LMO7: variants seen among roughly 807,000 people sequenced by gnomAD.
LMO7 encodes LIM domain 7.
A neutral mutation model predicts 206.5 loss-of-function variants in LMO7; 120 were observed. That is an observed-to-expected ratio of 0.58 (90% CI 0.50 to 0.68). The LOEUF is 0.68. Among genes scored for constraint, LMO7 ranks in the 30% least tolerant of loss-of-function variants. The pLI is 0.00. For missense variants in LMO7, 1,959 were observed against 1,957.9 expected (o/e 1.00, Z -0.01); for synonymous variants, 706 against 681.5 (o/e 1.04, Z -0.56).
intron 12 of LMO7, 162 bp from the exon 13 acceptor site, chr13:75,819,231 G>C: frequency 1.6e-6 from 1 of 639,474 alleles, no homozygotes; most frequent in Non-Finnish European, 2.5e-6. Context: ...ATAAAGGCTT[G>C]GTACAGAAAC....
chr13:75,786,966 A>G (rs528051987), intron 4 of LMO7, among the ~76,000 whole-genome samples: 292 of 152,328 alleles, frequency 1.9e-3, no homozygotes, highest in Middle Eastern at 3.4e-3. Flanking sequence ...AGGACATAGT[A>G]TCAGTGAAGT....
intron 29 of LMO7, 137 bp downstream of exon 29, chr13:75,855,505 C>G: frequency 2.0e-6 from 1 of 507,078 alleles, no homozygotes; most frequent in Non-Finnish European, 3.5e-6. Context: ...ATTTGAGTCA[C>G]AAATTGCTTG....
intron 20 of LMO7, 87 bp downstream of exon 20, chr13:75,838,283 G>C: frequency 6.6e-7 from 1 of 1,524,368 alleles, no homozygotes; most frequent in East Asian, 2.3e-5. Context: ...GCTGGGCACT[G>C]AGCCTCTTCA....
chr13:75,832,593 A>T (rs2058763282), intron 15 of LMO7, among the ~76,000 whole-genome samples: 4 of 152,196 alleles, frequency 2.6e-5, no homozygotes. Context: ...TGGAGGCTAA[A>T]TTATGTGTCT....
chr13:75,833,312 C>G (rs1023969647), intron 16 of LMO7, 147 bp downstream of exon 16: 3 of 604,522 alleles, frequency 5.0e-6, no homozygotes, highest in Non-Finnish European at 6.0e-6. Flanking sequence ...CATCCTCTTT[C>G]CTGAGATTAT....
At chr13:75,849,401 A>T in intron 27 of LMO7, 109 bp downstream of exon 27, 2 of 782,166 alleles carry the variant, frequency 2.6e-6, no homozygotes, top group Non-Finnish European at 4.3e-6. Flanking sequence ...CATAGAGCGA[A>T]CGCTCTGGGC....
intron 2 of LMO7, among the ~76,000 whole-genome samples, chr13:75,715,462 A>G (rs2043458999): frequency 6.6e-6 from 1 of 152,144 alleles, no homozygotes. Flanking sequence ...AATTTTTCTA[A>G]TTTGGATTTT....
At chr13:75,675,947 C>T (rs1294159580) in intron 1 of LMO7, among the ~76,000 whole-genome samples, 1 of 152,022 alleles carries the variant, frequency 6.6e-6, no homozygotes, top group African/African-American at 2.4e-5. Context: ...TTAGATGAAG[C>T]AAAGTCATAA....
At chr13:75,839,963 A>G in intron 20 of LMO7, 122 bp from the exon 21 acceptor site, 1 of 845,812 alleles carries the variant, frequency 1.2e-6, no homozygotes, top group Non-Finnish European at 1.9e-6. Context: ...TTAAAAAAAC[A>G]TTGTCACTTA....
chr13:75,633,869 G>C (rs1394150779), upstream of LMO7, among the ~76,000 whole-genome samples: 3 of 109,428 alleles, frequency 2.7e-5, no homozygotes, highest in Non-Finnish European at 5.3e-5. Flanking sequence ...TTTTTTTTGA[G>C]ACGGAGTCTC....
intron 9 of LMO7, 134 bp downstream of exon 9, chr13:75,805,894 T>C: frequency 1.8e-6 from 2 of 1,137,650 alleles, no homozygotes; most frequent in Non-Finnish European, 2.5e-6. Context: ...GCGGAACCTA[T>C]ATAATGGAAA....
chr13:75,658,614 C>T (rs756973575), intron 1 of LMO7, among the ~76,000 whole-genome samples: 40 of 152,058 alleles, frequency 2.6e-4, no homozygotes, highest in Non-Finnish European at 4.6e-4. Context: ...GATGGAATCT[C>T]GCTCTGTCGC....
chr13:75,790,673 A>C (rs2053145687), intron 4 of LMO7, among the ~76,000 whole-genome samples: 1 of 152,172 alleles, frequency 6.6e-6, no homozygotes, highest in East Asian at 1.9e-4. Context: ...TTAACATAGT[A>C]GCAGTTAGGA....
At chr13:75,819,646 T>A in intron 13 of LMO7, 111 bp downstream of exon 13, 1 of 1,080,052 alleles carries the variant, frequency 9.3e-7, no homozygotes, top group Non-Finnish European at 1.2e-6. Flanking sequence ...TATTCAACTT[T>A]AGTCAAATAT....
chr13:75,676,016 T>C (rs1439447232), intron 1 of LMO7, among the ~76,000 whole-genome samples: 1 of 152,202 alleles, frequency 6.6e-6, no homozygotes, highest in Non-Finnish European at 1.5e-5. Context: ...TGTAAAAGAC[T>C]CTATGTGTTA....
At chr13:75,637,695 T>C (rs1412949461) in intron 1 of LMO7, among the ~76,000 whole-genome samples, 1 of 152,214 alleles carries the variant, frequency 6.6e-6, no homozygotes, top group East Asian at 1.9e-4. Flanking sequence ...AAAAACTACA[T>C]GTTTAAGAAT....
chr13:75,806,256 G>A, intron 9 of LMO7: 1 of 989,300 alleles, frequency 1.0e-6, no homozygotes, highest in Non-Finnish European at 1.2e-6. Flanking sequence ...CTTCGGATGA[G>A]CCCAGGTGCC....
At chr13:75,725,850 T>G (rs914520559) in intron 2 of LMO7, among the ~76,000 whole-genome samples, 1 of 152,084 alleles carries the variant, frequency 6.6e-6, no homozygotes, top group Non-Finnish European at 1.5e-5. Context: ...AGCCACTGTT[T>G]TATAATTTTG....
chr13:75,855,033 T>G, intron 28 of LMO7: 1 of 450,604 alleles, frequency 2.2e-6, no homozygotes, highest in Non-Finnish European at 4.0e-6. Flanking sequence ...AAATTGCTCA[T>G]TTATGTGAAT....
Sources: gnomAD v4.1 joint callset for allele counts (sites outside exome capture counted in the v4.1 genomes callset) on GRCh38, gnomAD v4.1.1 for gene constraint, MANE v1.5 for transcripts, NCBI Gene and HGNC (gene_info 2026-07-23, HGNC 2026-07-21) for gene names.